The following ANKMY1 variants were observed in gnomAD, a reference collection of about 807,000 sequenced individuals.
ANKMY1 encodes the protein ankyrin repeat and MYND domain-containing protein 1.
A neutral mutation model predicts 102.0 loss-of-function variants in ANKMY1; 98 were observed. That is an observed-to-expected ratio of 0.96 (90% confidence interval 0.82 to 1.14). The LOEUF (loss-of-function observed/expected upper bound fraction) is 1.14, where lower values mean the gene tolerates loss of function less well. Ranked by LOEUF, ANKMY1 falls within the 50% of genes most tolerant of loss-of-function variation. The probability of loss-of-function intolerance (pLI) is 0.00; values close to 1 mark genes in which losing one functional copy is unlikely to be tolerated. For missense variants in ANKMY1, 1,330 were observed against 1,347.6 expected (o/e 0.99, Z 0.20); for synonymous variants, 582 against 559.9 (o/e 1.04, Z -0.56).
intron 10 of ANKMY1, among the ~76,000 whole-genome samples, chr2:240,512,423 G>A (rs1461462978): frequency 1.3e-5 from 2 of 152,226 alleles, no homozygotes; most frequent in African/African-American, 4.8e-5. Context: ...GGGCCTGGTG[G>A]GACAGGATGG....
At chr2:240,473,659 G>T in the ANKMY1 span, among the ~76,000 whole-genome samples, 1 of 152,126 alleles carries the variant, frequency 6.6e-6, no homozygotes, top group Non-Finnish European at 1.5e-5. Context: ...AGTTGGGGTA[G>T]ATATGGACAG....
intron 15 of ANKMY1, among the ~76,000 whole-genome samples, chr2:240,483,770 T>C (rs1454189883): frequency 6.6e-6 from 1 of 152,218 alleles, no homozygotes; most frequent in African/African-American, 2.4e-5. Flanking sequence ...CATGCCATAG[T>C]GGTTTGCTGC....
intron 4 of ANKMY1, among the ~76,000 whole-genome samples, chr2:240,531,727 G>A (rs781236980): frequency 5.3e-5 from 8 of 152,170 alleles, no homozygotes; most frequent in Non-Finnish European, 1.0e-4. Context: ...ATGGCTAGAG[G>A]GTGGAGGTAG....
intron 15 of ANKMY1, among the ~76,000 whole-genome samples, chr2:240,487,839 G>C (rs927672194): frequency 1.3e-5 from 2 of 152,010 alleles, no homozygotes; most frequent in African/African-American, 4.8e-5. Flanking sequence ...ATTTTTTCCT[G>C]TTGAATTGTA....
chr2:240,512,863 T>C lies in ANKMY1; in HGVS notation c.2084A>G (p.His695Arg). 6.2e-7 allele frequency: 1 copy of C among 1,614,072 alleles called. No individual in the cohort carries two copies. Among genetic ancestry groups the C allele is most frequent in the South Asian group, 1.1e-5 (1 of 91,070 alleles). ...EGVQIVELLL[H>R]AITDVDAKAS... is the part of the protein sequence containing the mutation. ...CTTGGCGTCCACATCGGTGATGGCA[T>C]GCAACAGCAGCTCCACAATCTGTAC... Residue 695 changes from histidine to arginine, a missense_variant, in exon 10 of 18, where the codon CAT becomes CGT. His to Arg is a conservative substitution (Grantham distance 29, BLOSUM62 0). Coordinates refer to ENST00000401804, the MANE Select transcript of ANKMY1 (RefSeq NM_001282771.3).
intron 15 of ANKMY1, among the ~76,000 whole-genome samples, chr2:240,483,672 A>G (rs1574867040): frequency 6.6e-6 from 1 of 152,166 alleles, no homozygotes; most frequent in Middle Eastern, 3.4e-3. Flanking sequence ...ACTCTTCCGC[A>G]TCAAGTGGAT....
At position 240,487,812 on chromosome 2, in the gene ANKMY1, C is replaced by T. The variant is rs78128586; in HGVS notation, c.2807-5551G>A. Among the ~76,000 whole-genome samples the T allele has an allele frequency of 7.8e-3, 1,178 of 151,970 alleles. 17 individuals are homozygous for T. Among genetic ancestry groups the T allele is most frequent in the African/African-American group, 0.027 (1,130 of 41,424 alleles). On this transcript the variant is annotated intron_variant, in intron 15 of 17. Transcript: ENST00000401804. The stretch of plus-strand genomic sequence containing the variant: ...AGAAATGTCAATTCATGTCATTTAC[C>T]CAAGTTTAATAGGATTATTTTTTCC...
At chr2:240,484,848 T>G (rs914139170) in intron 15 of ANKMY1, among the ~76,000 whole-genome samples, 9 of 151,962 alleles carry the variant, frequency 5.9e-5, no homozygotes, top group Admixed American at 2.6e-4. Context: ...GTAAACACAT[T>G]TACAAGAAAA....
In ANKMY1 at chr2:240,520,505, G is replaced by A. The variant is rs778224056; in HGVS notation, c.1861C>T (p.Leu621=). Residue 621 remains leucine (L), a synonymous_variant, in exon 9 of 18, where the codon CTG becomes TTG. Coordinates refer to ENST00000401804, the MANE Select transcript of ANKMY1 (RefSeq NM_001282771.3). The surrounding 1 kb of genome is among the most constrained non-coding windows in gnomAD (Gnocchi z 4.8). ...GGGTCCGCGCCCCGGCGCAGCAGCAGCTTGATGGTCCGCCAGCGCTTCCTC... is the reference window on the plus strand; with the variant it reads ...GGGTCCGCGCCCCGGCGCAGCAGCAACTTGATGGTCCGCCAGCGCTTCCTC... ...ERRKRWRTIK[L]LLRRGADPNL... The A allele has an allele frequency of 6.2e-7, 1 of 1,612,948 alleles. No homozygotes were observed. The highest frequency in any genetic ancestry group is 8.5e-7 in the Non-Finnish European group (1 of 1,179,572).
chr2:240,469,883 T>G, the ANKMY1 span, among the ~76,000 whole-genome samples: 1 of 151,872 alleles, frequency 6.6e-6, no homozygotes, highest in Admixed American at 6.6e-5. Flanking sequence ...CACATATCCA[T>G]ACACGTGCAC....
At chr2:240,472,907 T>G in the ANKMY1 span, among the ~76,000 whole-genome samples, 1 of 152,058 alleles carries the variant, frequency 6.6e-6, no homozygotes, top group Non-Finnish European at 1.5e-5. Flanking sequence ...GGTAGGTTGC[T>G]TGAGGTCAGG....
chr2:240,482,362 C>T, intron 15 of ANKMY1, 101 bp from the exon 16 acceptor site: 1 of 1,063,438 alleles, frequency 9.4e-7, no homozygotes, highest in Non-Finnish European at 1.4e-6. Flanking sequence ...CCTGCCTGCA[C>T]TACTCGGGAG....
chr2:240,527,664 A>ATGAATGGATGGGTGGGTAGGTG (rs1381723857), intron 5 of ANKMY1: 2 of 11,368 alleles, frequency 1.8e-4, no homozygotes, highest in East Asian at 1.7e-3. Context: ...GTGGGTGGAC[A>ATGAATGGATGGGTGGGTAGGTG]AATGGGTAGG....
chr2:240,500,920 C>G (rs560017605), intron 13 of ANKMY1, among the ~76,000 whole-genome samples: 1 of 152,228 alleles, frequency 6.6e-6, no homozygotes, highest in South Asian at 2.1e-4. Context: ...AGGCAGACAC[C>G]GGGCAGCTCT....
intron 5 of ANKMY1, chr2:240,526,693 G>C: frequency 7.1e-7 from 1 of 1,404,840 alleles, no homozygotes; most frequent in Non-Finnish European, 9.3e-7. Context: ...TGTCCCGACA[G>C]GAATGTGCTG....
chr2:240,526,400 C>T lies in ANKMY1; in HGVS notation c.999G>A (p.Glu333=). 6.2e-7 allele frequency: 1 copy of T among 1,614,214 alleles called. No individual in the cohort carries two copies. Among genetic ancestry groups the T allele is most frequent in the Non-Finnish European group, 8.5e-7 (1 of 1,180,042 alleles). The change falls in exon 6 of 18, where the codon GAG becomes GAA. Residue 333 remains glutamate, a synonymous_variant. Coordinates refer to ENST00000401804, the MANE Select transcript of ANKMY1 (RefSeq NM_001282771.3). ...HTSWNMGAIL[E]GKRSGFAPCG... is the part of the protein sequence containing the mutation. Reference sequence around the variant, plus strand: ...AGGGTGCAAAGCCACTGCGCTTCCCCTCCAGGATGGCGCCCATGTTCCAGC... The same window carrying T: ...AGGGTGCAAAGCCACTGCGCTTCCCTTCCAGGATGGCGCCCATGTTCCAGC...
the ANKMY1 span, among the ~76,000 whole-genome samples, chr2:240,469,762 G>A: frequency 1.7e-4 from 26 of 151,312 alleles, 1 homozygote; most frequent in South Asian, 3.5e-3. Context: ...GCACATGCAC[G>A]TCCTCACATG....
At chr2:240,542,809 A>G (rs1416869751) in intron 4 of ANKMY1, among the ~76,000 whole-genome samples, 1 of 150,064 alleles carries the variant, frequency 6.7e-6, no homozygotes, top group African/African-American at 2.4e-5. Flanking sequence ...CTTATAAATT[A>G]AGTAAATAAG....
At chr2:240,519,315 T>C (rs1356442347) in intron 9 of ANKMY1, among the ~76,000 whole-genome samples, 2 of 152,090 alleles carry the variant, frequency 1.3e-5, no homozygotes, top group African/African-American at 4.8e-5. Flanking sequence ...GATTGTAGGG[T>C]CCTTCAAAAT....
Sources: gnomAD v4.1 joint callset for allele counts (sites outside exome capture counted in the v4.1 genomes callset) on GRCh38, gnomAD v4.1.1 for gene constraint, Gnocchi (gnomAD v3.1) non-coding constraint, MANE v1.5 for transcripts, NCBI Gene and HGNC (gene_info 2026-07-23, HGNC 2026-07-21) for gene names.